Variants in ADGRL2 observed in about 807,000 individuals in gnomAD.
The protein encoded by ADGRL2 is calcium-independent alpha-latrotoxin receptor 2.
A neutral mutation model predicts 157.4 loss-of-function variants in ADGRL2; 44 were observed. The ratio of observed to expected loss-of-function variants is 0.28; its 90% CI spans 0.22 to 0.36. ADGRL2 has a LOEUF of 0.36. Among genes scored for constraint, ADGRL2 ranks in the 10% least tolerant of loss-of-function variants. ADGRL2 has a pLI of 1.00. For missense variants in ADGRL2, 1,510 were observed against 1,768.9 expected (o/e 0.85, Z 2.63); for synonymous variants, 585 against 624.7 (o/e 0.94, Z 0.95).
chr1:81,825,186 C>T (rs1391329364), intron 1 of ADGRL2, among the ~76,000 whole-genome samples: 1 of 151,964 alleles, frequency 6.6e-6, no homozygotes, highest in Non-Finnish European at 1.5e-5. Context: ...CTATGAAATA[C>T]TAAAAATCAA....
intron 1 of ADGRL2, among the ~76,000 whole-genome samples, chr1:81,732,097 T>C (rs904638194): frequency 5.3e-5 from 8 of 152,146 alleles, no homozygotes; most frequent in African/African-American, 1.9e-4. Flanking sequence ...AATCCATATA[T>C]TTTCAAAGGG....
At chr1:81,499,806 T>C (rs748631350) in intron 2 of ADGRL2, among the ~76,000 whole-genome samples, 4 of 152,244 alleles carry the variant, frequency 2.6e-5, no homozygotes, top group Non-Finnish European at 5.9e-5. Flanking sequence ...AGTCGTTTTA[T>C]ATTCACTTTC....
chr1:81,853,029 G>A (rs2093072036), intron 2 of ADGRL2, among the ~76,000 whole-genome samples: 1 of 152,098 alleles, frequency 6.6e-6, no homozygotes, highest in Non-Finnish European at 1.5e-5. Flanking sequence ...GAGGCAGCTG[G>A]TCCAGAGGAG....
At chr1:81,908,878 C>T (rs1176584402) in intron 3 of ADGRL2, among the ~76,000 whole-genome samples, 3 of 141,412 alleles carry the variant, frequency 2.1e-5, no homozygotes, top group African/African-American at 2.6e-5. Context: ...TTTTTTCTTT[C>T]TTTTTTTTTT....
chr1:81,579,734 T>C (rs775925707), intron 2 of ADGRL2, among the ~76,000 whole-genome samples: 51 of 152,142 alleles, frequency 3.4e-4, no homozygotes, highest in Non-Finnish European at 6.6e-4. Context: ...TTTTTTTACC[T>C]ATATATAGGG....
chr1:81,496,641 T>C (rs2078736778), intron 2 of ADGRL2, among the ~76,000 whole-genome samples: 1 of 149,634 alleles, frequency 6.7e-6, no homozygotes, highest in Admixed American at 6.7e-5. Flanking sequence ...TCTATCTTAA[T>C]CAGAATACAG....
At chr1:81,985,726 A>T (rs1419900006) in intron 21 of ADGRL2, among the ~76,000 whole-genome samples, 1 of 152,052 alleles carries the variant, frequency 6.6e-6, no homozygotes, top group Admixed American at 6.6e-5. Flanking sequence ...ATGAAAGTTT[A>T]TAAAGTAATT....
At chr1:81,431,317 C>T (rs1049957199) in intron 1 of ADGRL2, among the ~76,000 whole-genome samples, 1 of 151,252 alleles carries the variant, frequency 6.6e-6, no homozygotes, top group Non-Finnish European at 1.5e-5. Context: ...ACAAAGAAAC[C>T]CCACTAAGCC....
intron 2 of ADGRL2, among the ~76,000 whole-genome samples, chr1:81,839,922 TATGATGGAATATATATATATA>T (rs2092485124): frequency 7.9e-6 from 1 of 126,790 alleles, no homozygotes; most frequent in Admixed American, 8.2e-5. Context: ...ATCATATATA[TATGATGGAATATATATATATA>T]ATATATATAT....
intron 1 of ADGRL2, among the ~76,000 whole-genome samples, chr1:81,733,036 A>G (rs1297375213): frequency 6.6e-6 from 1 of 152,222 alleles, no homozygotes; most frequent in African/African-American, 2.4e-5. Flanking sequence ...TGCATTTATC[A>G]AGCTACTTGA....
intron 1 of ADGRL2, among the ~76,000 whole-genome samples, chr1:81,397,623 T>G (rs962945680): frequency 2.6e-5 from 4 of 152,070 alleles, no homozygotes; most frequent in Non-Finnish European, 4.4e-5. Context: ...CCAGCCCTTA[T>G]AATGTCTCCT....
chr1:81,781,162 C>A (rs1467498840), intron 2 of ADGRL2, among the ~76,000 whole-genome samples: 2 of 152,146 alleles, frequency 1.3e-5, no homozygotes, highest in African/African-American at 4.8e-5. Flanking sequence ...TAGAGTCTGG[C>A]ACTCAATAGC....
upstream of ADGRL2, among the ~76,000 whole-genome samples, chr1:81,796,487 TGA>T (rs2087593801): frequency 6.6e-6 from 1 of 152,214 alleles, no homozygotes; most frequent in African/African-American, 2.4e-5. Flanking sequence ...CAGAGATTAA[TGA>T]GAGTTATAGG....
At chr1:81,759,851 A>C (rs1010018145) in intron 1 of ADGRL2, among the ~76,000 whole-genome samples, 10 of 152,110 alleles carry the variant, frequency 6.6e-5, no homozygotes, top group Middle Eastern at 3.2e-3. Context: ...TTGATGTGCC[A>C]GTTCCAAGTA....
At chr1:81,612,821 A>AT (rs1277169475) in intron 3 of ADGRL2, among the ~76,000 whole-genome samples, 1 of 152,186 alleles carries the variant, frequency 6.6e-6, no homozygotes, top group Non-Finnish European at 1.5e-5. Flanking sequence ...ATGCTGAACG[A>AT]TGCTACTCAT....
intron 1 of ADGRL2, among the ~76,000 whole-genome samples, chr1:81,806,990 G>T (rs927162320): frequency 6.6e-5 from 10 of 151,950 alleles, no homozygotes. Flanking sequence ...CTGCAGAAAA[G>T]ATTTATGTAA....
intron 3 of ADGRL2, among the ~76,000 whole-genome samples, chr1:81,680,492 C>A (rs1207948991): frequency 2.0e-5 from 3 of 151,972 alleles, no homozygotes; most frequent in Non-Finnish European, 2.9e-5. Context: ...ACTGAATATT[C>A]CCCAAATGCA....
chr1:81,781,358 C>A (rs995478311), intron 2 of ADGRL2, among the ~76,000 whole-genome samples: 7 of 151,976 alleles, frequency 4.6e-5, no homozygotes, highest in African/African-American at 1.7e-4. Flanking sequence ...TAATTCTGCC[C>A]CCTATCTTGC....
chr1:81,796,272 A>G (rs1247414216), upstream of ADGRL2, among the ~76,000 whole-genome samples: 1 of 152,184 alleles, frequency 6.6e-6, no homozygotes, highest in Non-Finnish European at 1.5e-5. Flanking sequence ...TACAGGCGTG[A>G]GCCACCACAC....
Sources: gnomAD v4.1 joint callset for allele counts (sites outside exome capture counted in the v4.1 genomes callset) on GRCh38, gnomAD v4.1.1 for gene constraint, MANE v1.5 for transcripts, NCBI Gene and HGNC (gene_info 2026-07-23, HGNC 2026-07-21) for gene names.